CDH4: variants seen among roughly 807,000 people sequenced by gnomAD.
The protein encoded by CDH4 is cadherin 4.
CDH4 carries 33 observed loss-of-function variants against 86.0 expected under a neutral mutation model. That is an observed-to-expected ratio of 0.38 (90% CI 0.29 to 0.51). CDH4 has a LOEUF of 0.51. Among genes scored for constraint, CDH4 ranks in the 20% least tolerant of loss-of-function variants. The pLI, the probability that CDH4 is intolerant of heterozygous loss-of-function variation, is 0.86. For missense variants in CDH4, 1,114 were observed against 1,307.4 expected (o/e 0.85, Z 2.28); for synonymous variants, 555 against 549.4 (o/e 1.01, Z -0.14).
At chr20:61,598,449 T>C (rs1368663925) in intron 2 of CDH4, among the ~76,000 whole-genome samples, 5 of 151,438 alleles carry the variant, frequency 3.3e-5, no homozygotes, top group Non-Finnish European at 7.4e-5. Context: ...TTCCGTACTA[T>C]GGCTCCTGCT....
chr20:61,538,373 C>T (rs1234402454), intron 2 of CDH4, among the ~76,000 whole-genome samples: 1 of 152,146 alleles, frequency 6.6e-6, no homozygotes, highest in Non-Finnish European at 1.5e-5. Context: ...CGCATCAAGT[C>T]AAGAGGTTTA....
At chr20:61,644,915 G>C (rs1045742352) in intron 2 of CDH4, among the ~76,000 whole-genome samples, 5 of 152,204 alleles carry the variant, frequency 3.3e-5, no homozygotes, top group Admixed American at 1.3e-4. Context: ...TCGCTGAGTC[G>C]TGCGGCCTGA....
rs2087279598 is a variant in CDH4 at position 61,663,100 on chromosome 20, A to G, written c.170-80463A>G. 6.6e-6 allele frequency among the ~76,000 whole-genome samples: 1 copy of G among 152,186 alleles called. No individual in the cohort carries two copies. The highest frequency in any genetic ancestry group is 2.1e-4 in the South Asian group (1 of 4,830). On this transcript the variant is annotated intron_variant, in intron 2 of 15. Transcript: ENST00000614565. The surrounding 1 kb of genome is among the most constrained non-coding windows in gnomAD (Gnocchi z 5.0). Reference sequence around the variant, plus strand: ...ATGCTGCCCAGCGCAGGCAGTGTCGACATGAAGCAAACCATTGTTAAAATA... The same window carrying G: ...ATGCTGCCCAGCGCAGGCAGTGTCGGCATGAAGCAAACCATTGTTAAAATA...
At position 61,255,085 on chromosome 20, in the gene CDH4, C is replaced by T. The variant is rs545653517; in HGVS notation, c.169+148C>T. The T allele has an allele frequency of 4.8e-6, 3 of 620,620 alleles. No individual in the cohort carries two copies. The South Asian group carries it at 5.7e-5, about 12-fold the overall frequency. The allele number at this position is 620,620 out of a possible 1,614,324, so 38.4% of individuals were successfully genotyped here. On this transcript the variant is annotated intron_variant, in intron 2 of 15. Coordinates refer to ENST00000614565, the MANE Select transcript of CDH4 (RefSeq NM_001794.5). ...GTCCACGAGGTGCAAATTGGTTGAC[C>T]TGAAAGGCGTTTTGCATAACAGGTG...
chr20:61,762,206 A>C (rs2150128), intron 3 of CDH4, among the ~76,000 whole-genome samples: 6 of 152,104 alleles, frequency 3.9e-5, no homozygotes, highest in African/African-American at 1.2e-4. Context: ...TTCTGTGCCC[A>C]TCACCATTCT....
chr20:61,655,369 GACACACACACTT>G (rs912010713), intron 2 of CDH4, among the ~76,000 whole-genome samples: 4 of 152,108 alleles, frequency 2.6e-5, no homozygotes, highest in African/African-American at 9.7e-5. Flanking sequence ...AGTACACACT[GACACACACACTT>G]ACACACACAC....
intron 2 of CDH4, among the ~76,000 whole-genome samples, chr20:61,698,664 G>T (rs1281749975): frequency 2.0e-5 from 3 of 152,242 alleles, no homozygotes; most frequent in East Asian, 3.9e-4. Flanking sequence ...CTGCCGACAT[G>T]TGGGGCCAGA....
intron 4 of CDH4, among the ~76,000 whole-genome samples, chr20:61,836,770 T>C (rs932725701): frequency 6.6e-6 from 1 of 152,238 alleles, no homozygotes; most frequent in African/African-American, 2.4e-5. Context: ...TCCAGTACCA[T>C]GGCAAGGGCT....
intron 3 of CDH4, among the ~76,000 whole-genome samples, chr20:61,766,296 G>A (rs1471832890): frequency 4.6e-5 from 7 of 151,844 alleles, no homozygotes; most frequent in African/African-American, 1.7e-4. Context: ...TGGAATATAA[G>A]GGTTGTGGGA....
intron 2 of CDH4, among the ~76,000 whole-genome samples, chr20:61,537,748 C>T (rs1386823551): frequency 6.6e-6 from 1 of 152,166 alleles, no homozygotes; most frequent in Non-Finnish European, 1.5e-5. Flanking sequence ...TGGGAGTTAA[C>T]AAGCCGGGTC....
At chr20:61,886,431 C>G (rs1010184984) in intron 7 of CDH4, among the ~76,000 whole-genome samples, 1 of 152,200 alleles carries the variant, frequency 6.6e-6, no homozygotes, top group Non-Finnish European at 1.5e-5. Context: ...TTTCTTCCCT[C>G]CTCTTGAACT....
intron 2 of CDH4, among the ~76,000 whole-genome samples, chr20:61,346,921 A>G (rs1009938517): frequency 3.3e-5 from 5 of 151,930 alleles, no homozygotes; most frequent in Non-Finnish European, 5.9e-5. Context: ...CCTCATCCCC[A>G]TCCCACATTC....
chr20:61,490,295 G>T (rs574939238), intron 2 of CDH4, among the ~76,000 whole-genome samples: 17 of 152,338 alleles, frequency 1.1e-4, no homozygotes, highest in African/African-American at 3.8e-4. Flanking sequence ...GCTAGGGTGT[G>T]CAGCCACATG....
chr20:61,774,444 G>T (rs1036475910), intron 4 of CDH4, among the ~76,000 whole-genome samples: 1 of 152,206 alleles, frequency 6.6e-6, no homozygotes, highest in Non-Finnish European at 1.5e-5. Context: ...CCATCCTTGG[G>T]GCCGGGATTT....
At chr20:61,658,201 C>T (rs1039818671) in intron 2 of CDH4, among the ~76,000 whole-genome samples, 10 of 152,072 alleles carry the variant, frequency 6.6e-5, no homozygotes, top group South Asian at 2.1e-4. Context: ...CTGCAACCCC[C>T]GAGCCATCCT....
chr20:61,897,292 C>T (rs963540714), intron 8 of CDH4, among the ~76,000 whole-genome samples: 13 of 151,954 alleles, frequency 8.6e-5, no homozygotes, highest in Non-Finnish European at 1.3e-4. Context: ...GGTCCCCATC[C>T]CGAGACTCTG....
chr20:61,398,594 G>A (rs923154553), intron 2 of CDH4, among the ~76,000 whole-genome samples: 24 of 152,282 alleles, frequency 1.6e-4, no homozygotes, highest in African/African-American at 2.6e-4. Context: ...CTAGGGAGCC[G>A]AGTCTTTCTT....
intron 4 of CDH4, among the ~76,000 whole-genome samples, chr20:61,815,890 G>C (rs941334713): frequency 6.6e-6 from 1 of 152,196 alleles, no homozygotes; most frequent in African/African-American, 2.4e-5. Flanking sequence ...TATCCTGGCT[G>C]CTCCGTGAGC....
At chr20:61,414,618 C>T (rs1389928959) in intron 2 of CDH4, among the ~76,000 whole-genome samples, 1 of 152,148 alleles carries the variant, frequency 6.6e-6, no homozygotes, top group Admixed American at 6.6e-5. Flanking sequence ...CAGCAGGAAG[C>T]GGCCGTGTGA....
Sources: allele counts gnomAD v4.1 joint callset (sites outside exome capture counted in the v4.1 genomes callset), GRCh38; gene constraint gnomAD v4.1.1; non-coding constraint Gnocchi (gnomAD v3.1); transcripts MANE v1.5; gene names NCBI Gene and HGNC (gene_info 2026-07-23, HGNC 2026-07-21).